Variants in BCL11A observed in about 807,000 individuals in gnomAD.
The protein encoded by BCL11A is BCL11 transcription factor A, also known as B cell CLL/lymphoma 11A.
BCL11A carries 2 observed loss-of-function variants against 55.9 expected under a neutral mutation model. The ratio of observed to expected loss-of-function variants is 0.04; its 90% CI spans 0.01 to 0.11. The LOEUF is 0.11. Among genes scored for constraint, BCL11A ranks in the 10% least tolerant of loss-of-function variants. BCL11A has a pLI of 1.00. For missense variants in BCL11A, 817 were observed against 1,137.1 expected (o/e 0.72, Z 4.05); for synonymous variants, 465 against 473.4 (o/e 0.98, Z 0.23).
In BCL11A at chr2:60,491,277, T is replaced by C. The variant is rs570369957; in HGVS notation, c.386-22444A>G. Among the ~76,000 whole-genome samples the C allele has an allele frequency of 1.1e-4, 17 of 152,348 alleles. No individual in the cohort carries two copies. The South Asian group carries it at 3.5e-3, about 32-fold the overall frequency. On this transcript the variant is annotated intron_variant, in intron 2 of 3. Transcript: ENST00000642384. ...CTTAATGCTGTTTTAAATGCAGCAC[T>C]ACTAAAAAGGACCTCATTTTGATGC...
At chr2:60,469,014 T>A (rs1677048012) in intron 2 of BCL11A, among the ~76,000 whole-genome samples, 181 bp from the exon 3 acceptor site, 1 of 152,250 alleles carries the variant, frequency 6.6e-6, no homozygotes, top group Non-Finnish European at 1.5e-5. Context: ...CCAGAGTTTC[T>A]GTTTTGTTTT....
rs1341542646 is a variant in BCL11A, at chr2:60,546,770, A to G, written c.56-470T>C. ...AGTTGTCCATTGTGCCAAAGAATGA[A>G]AGGAGAGGTGAATAAACACACACAC... On this transcript the variant is annotated intron_variant, in intron 1 of 3. Coordinates refer to ENST00000642384, the MANE Select transcript of BCL11A (RefSeq NM_022893.4). The surrounding 1 kb of genome is among the most constrained non-coding windows in gnomAD (Gnocchi z 4.1). 6.6e-6 allele frequency among the ~76,000 whole-genome samples: 1 copy of G among 152,224 alleles called. No homozygotes were observed. Among genetic ancestry groups the G allele is most frequent in the Non-Finnish European group, 1.5e-5 (1 of 68,026 alleles).
chr2:60,532,161 C>T (rs773071244), intron 2 of BCL11A, among the ~76,000 whole-genome samples: 2 of 152,140 alleles, frequency 1.3e-5, no homozygotes, highest in Non-Finnish European at 2.9e-5. Context: ...TTTCACTGTA[C>T]CCCCAGTAAT....
intron 2 of BCL11A, among the ~76,000 whole-genome samples, chr2:60,505,912 G>A (rs901200921): frequency 6.6e-6 from 1 of 152,242 alleles, no homozygotes; most frequent in Non-Finnish European, 1.5e-5. Context: ...TAAATACCCA[G>A]AAGCAATAGC....
chr2:60,516,386 A>G (rs1338699363), intron 2 of BCL11A, among the ~76,000 whole-genome samples: 7 of 152,190 alleles, frequency 4.6e-5, no homozygotes, highest in Admixed American at 3.9e-4. Flanking sequence ...TCCAGATGTC[A>G]GTGCAAAGTT....
chr2:60,494,509 C>T (rs1463881467), intron 2 of BCL11A, among the ~76,000 whole-genome samples: 1 of 152,124 alleles, frequency 6.6e-6, no homozygotes, highest in Non-Finnish European at 1.5e-5. Flanking sequence ...TCAAAGGGGA[C>T]GAAAAGTGTT....
intron 2 of BCL11A, among the ~76,000 whole-genome samples, chr2:60,481,631 C>T (rs1341832200): frequency 6.6e-6 from 1 of 152,120 alleles, no homozygotes; most frequent in African/African-American, 2.4e-5. Context: ...TTCCATGGCT[C>T]GTGAATTTTT....
At chr2:60,463,675 T>C (rs1285868425) in intron 3 of BCL11A, among the ~76,000 whole-genome samples, 2 of 152,064 alleles carry the variant, frequency 1.3e-5, no homozygotes, top group Non-Finnish European at 2.9e-5. Context: ...GGGAGATAGC[T>C]ACATTAAATA....
intron 2 of BCL11A, among the ~76,000 whole-genome samples, chr2:60,481,461 A>G (rs1027029783): frequency 6.6e-6 from 1 of 152,008 alleles, no homozygotes; most frequent in Non-Finnish European, 1.5e-5. Context: ...ACAAGCACAT[A>G]CACATGCTCT....
In BCL11A at chr2:60,460,163, TAAAGGAAAAAAAAAAA is replaced by T. The variant is rs1366856273; in HGVS notation, c.*225_*240del. On this transcript the variant is annotated 3_prime_UTR_variant, in exon 4 of 4. Transcript: ENST00000642384. ...ATCATGCATTCAAACGGTGAGAACA[TAAAGGAAAAAAAAAAA>T]AAAGGAAAAAGAAAAAAGAAAAAGA... 25 of 1,143,072 alleles carry T rather than the reference TAAAGGAAAAAAAAAAA, an allele frequency of 2.2e-5. No homozygotes were observed. The highest frequency in any genetic ancestry group is 3.3e-5 in the African/African-American group (1 of 30,442). The allele number at this position is 1,143,072 out of a possible 1,614,324, so 70.8% of individuals were successfully genotyped here. A position where few individuals can be genotyped will look rare whatever the true frequency, so the allele number is the denominator to read the frequency against.
At chr2:60,508,929 A>C (rs960321958) in intron 2 of BCL11A, 7 of 152,270 alleles carry the variant, frequency 4.6e-5, no homozygotes, top group Non-Finnish European at 1.0e-4. Context: ...CTTACGCCCT[A>C]CCCACTGCTA....
chr2:60,538,153 AG>A (rs1669754805), intron 2 of BCL11A: 1 of 152,262 alleles, frequency 6.6e-6, no homozygotes, highest in Non-Finnish European at 1.5e-5. Flanking sequence ...CCTCTTTTAC[AG>A]GAAGTTTAAA....
At position 60,470,292 on chromosome 2, in the gene BCL11A, G is replaced by A. The variant is rs575246768; in HGVS notation, c.386-1459C>T. Among the ~76,000 whole-genome samples, 8 of 152,216 alleles carry A rather than the reference G, an allele frequency of 5.3e-5. No homozygotes were observed. The Middle Eastern group carries it at 0.01, about 194-fold the overall frequency. Reference sequence around the variant, plus strand: ...GTGAACCAACACAAGCAGGAAGACCGGACTTAACAAACAAGTATGTCTACA... The same window carrying A: ...GTGAACCAACACAAGCAGGAAGACCAGACTTAACAAACAAGTATGTCTACA... On this transcript the variant is annotated intron_variant, in intron 2 of 3. Transcript: ENST00000642384.
At chr2:60,497,168 C>G (rs541940522) in intron 2 of BCL11A, among the ~76,000 whole-genome samples, 11 of 152,310 alleles carry the variant, frequency 7.2e-5, no homozygotes, top group East Asian at 1.9e-4. Context: ...TTCCTTGCAG[C>G]CTTCCTTTTC....
In BCL11A at chr2:60,460,352, T is replaced by A; in HGVS notation, c.*52A>T. 6.5e-7 allele frequency: 1 copy of A among 1,535,842 alleles called. No homozygotes were observed. The highest frequency in any genetic ancestry group is 8.8e-7 in the Non-Finnish European group (1 of 1,135,576). ...GCTGGAGGGCGATGGGGAAGGGGAG[T>A]GGTGAAAAAGGGGGTGTCAGGTGGG... On this transcript the variant is annotated 3_prime_UTR_variant, in exon 4 of 4. Coordinates refer to ENST00000642384, the MANE Select transcript of BCL11A (RefSeq NM_022893.4).
intron 2 of BCL11A, among the ~76,000 whole-genome samples, chr2:60,491,816 C>T (rs1050751856): frequency 3.3e-5 from 5 of 152,178 alleles, no homozygotes; most frequent in Non-Finnish European, 4.4e-5. Context: ...CCCAACACTA[C>T]GCAGGCACAG....
chr2:60,468,687 C>T lies in BCL11A; in HGVS notation c.487+45G>A, dbSNP rs755594443. 6.3e-6 allele frequency: 9 copies of T among 1,430,780 alleles called. 1 individual carries two copies. The South Asian group carries it at 1.0e-4, about 17-fold the overall frequency. The allele number at this position is 1,430,780 out of a possible 1,614,324, so 88.6% of individuals were successfully genotyped here. On this transcript the variant is annotated intron_variant, in intron 3 of 3. Coordinates refer to ENST00000642384, the MANE Select transcript of BCL11A (RefSeq NM_022893.4). ...AAGGGCAATTTCCAGAAATTCTCAT[C>T]TCTATACACATGGACATTTGTAGAA...
rs748538213 is a variant in BCL11A at position 60,553,286 on chromosome 2, GGGCGGCGGCGGCGGC to G, written c.-31_-17del. The G allele has an allele frequency of 1.9e-5, 29 of 1,554,028 alleles. No homozygotes were observed. Among genetic ancestry groups the G allele is most frequent in the Middle Eastern group, 2.0e-4 (1 of 5,080 alleles). On this transcript the variant is annotated 5_prime_UTR_variant, in exon 1 of 4. Coordinates refer to ENST00000642384, the MANE Select transcript of BCL11A (RefSeq NM_022893.4). ...GGCGAGACATGGTGGGCTGCGGGGCGGGCGGCGGCGGCGGCGGCGGCGGCGGCGGGCGGACGACGG... is the reference window on the plus strand; with the variant it reads ...GGCGAGACATGGTGGGCTGCGGGGCGGGCGGCGGCGGCGGGCGGACGACGG...
Position 60,553,352 on chromosome 2 carries a change from T to C in BCL11A, c.-82A>G, listed in dbSNP as rs1481488724. ...CTCGGTTCACATCGGGAGAGCCGGGTTAGAAAGAAGGAGACTCCAGAGAAA... is the reference window on the plus strand; with the variant it reads ...CTCGGTTCACATCGGGAGAGCCGGGCTAGAAAGAAGGAGACTCCAGAGAAA... On this transcript the variant is annotated 5_prime_UTR_variant, in exon 1 of 4. The change abolishes the stop of an existing upstream ORF in the 5' untranslated region. Transcript: ENST00000642384. The C allele has an allele frequency of 7.0e-7, 1 of 1,429,246 alleles. No individual in the cohort carries two copies. Among genetic ancestry groups the C allele is most frequent in the South Asian group, 1.3e-5 (1 of 78,598 alleles). The allele number at this position is 1,429,246 out of a possible 1,614,324, so 88.5% of individuals were successfully genotyped here.
Sources: allele counts gnomAD v4.1 joint callset (sites outside exome capture counted in the v4.1 genomes callset), GRCh38; gene constraint gnomAD v4.1.1; non-coding constraint Gnocchi (gnomAD v3.1); transcripts MANE v1.5; gene names NCBI Gene and HGNC (gene_info 2026-07-23, HGNC 2026-07-21).